WBP1L: variants seen among roughly 807,000 people sequenced by gnomAD.
WBP1L encodes WW domain binding protein 1-like.
A neutral mutation model predicts 33.7 loss-of-function variants in WBP1L; 17 were observed. The ratio of observed to expected loss-of-function variants is 0.50; its 90% CI spans 0.34 to 0.76. The LOEUF is 0.76. Among genes scored for constraint, WBP1L ranks in the 30% least tolerant of loss-of-function variants. The pLI is 0.01. For synonymous variants in WBP1L, 173 were observed against 190.8 expected (o/e 0.91, Z 0.77); for missense variants, 389 against 469.4 (o/e 0.83, Z 1.58).
At chr10:102,787,806 G>A (rs961515551) in intron 1 of WBP1L, among the ~76,000 whole-genome samples, 6 of 152,026 alleles carry the variant, frequency 3.9e-5, no homozygotes, top group Non-Finnish European at 8.8e-5. Flanking sequence ...GGTCAGGCAC[G>A]GTGGCTCACG....
At chr10:102,786,770 A>G (rs1011442100) in intron 1 of WBP1L, among the ~76,000 whole-genome samples, 1 of 152,032 alleles carries the variant, frequency 6.6e-6, no homozygotes, top group Non-Finnish European at 1.5e-5. Flanking sequence ...CCCCACTACT[A>G]CCCCTGGGAC....
In WBP1L at chr10:102,777,146, A is replaced by T. The variant is rs114643158; in HGVS notation, c.91-20847A>T. Among the ~76,000 whole-genome samples the T allele has an allele frequency of 8.4e-3, 1,272 of 152,210 alleles. 10 individuals carry two copies. The highest frequency in any genetic ancestry group is 0.029 in the African/African-American group (1,199 of 41,520). ...TCTGCTGAGAACACAGCTGTTGCCA[A>T]CTATTTGTTCCAGGGCTTCTGAGAG... On this transcript the variant is annotated intron_variant, in intron 1 of 3. Coordinates refer to ENST00000448841, the MANE Select transcript of WBP1L (RefSeq NM_001083913.2).
intron 1 of WBP1L, among the ~76,000 whole-genome samples, chr10:102,790,020 G>A (rs1243613031): frequency 6.6e-6 from 1 of 152,064 alleles, no homozygotes; most frequent in Non-Finnish European, 1.5e-5. Context: ...TTATAGGCAT[G>A]AGCCACCACG....
intron 1 of WBP1L, 28 bp downstream of exon 1, chr10:102,744,171 G>A: frequency 6.5e-7 from 1 of 1,538,540 alleles, no homozygotes; most frequent in Non-Finnish European, 8.8e-7. Context: ...TCTGGGCCAT[G>A]TTGGGTCCTG....
chr10:102,772,894 A>G (rs1404008481), intron 1 of WBP1L, among the ~76,000 whole-genome samples: 1 of 148,052 alleles, frequency 6.8e-6, no homozygotes, highest in Non-Finnish European at 1.5e-5. Flanking sequence ...TGACAACATA[A>G]TCCTGCTTAA....
intron 1 of WBP1L, among the ~76,000 whole-genome samples, chr10:102,748,263 A>G (rs1842888381): frequency 6.6e-6 from 1 of 151,838 alleles, no homozygotes; most frequent in African/African-American, 2.4e-5. Flanking sequence ...GTCTCAAAAA[A>G]AAAAAACCAA....
intron 1 of WBP1L, chr10:102,776,352 C>G: frequency 6.2e-7 from 1 of 1,614,070 alleles, no homozygotes; most frequent in South Asian, 1.1e-5. Flanking sequence ...TTTTAAGAGC[C>G]CTTTGTTCCA....
intron 1 of WBP1L, chr10:102,776,267 C>G: frequency 6.2e-7 from 1 of 1,601,484 alleles, no homozygotes; most frequent in Non-Finnish European, 8.5e-7. Flanking sequence ...GTCTGCTTTG[C>G]TAAAGAAGGC....
At chr10:102,770,487 C>T (rs935072485) in intron 1 of WBP1L, among the ~76,000 whole-genome samples, 1 of 152,122 alleles carries the variant, frequency 6.6e-6, no homozygotes, top group Non-Finnish European at 1.5e-5. Context: ...AATAAGATAC[C>T]CCTAGACCTT....
chr10:102,776,244 C>T, intron 1 of WBP1L: 1 of 1,571,034 alleles, frequency 6.4e-7, no homozygotes, highest in Non-Finnish European at 8.6e-7. Context: ...GGTCCCAGGA[C>T]TCTGTTTACT....
chr10:102,788,992 C>A (rs563131231), intron 1 of WBP1L, among the ~76,000 whole-genome samples: 2 of 152,286 alleles, frequency 1.3e-5, no homozygotes, highest in Admixed American at 1.3e-4. Context: ...CGGAGTCTTG[C>A]TCTGTTGCTC....
chr10:102,782,825 T>C (rs1250732576), intron 1 of WBP1L, among the ~76,000 whole-genome samples: 2 of 152,178 alleles, frequency 1.3e-5, no homozygotes, highest in Non-Finnish European at 2.9e-5. Context: ...TACTGACTTC[T>C]TTTCCTGAAA....
rs372546242 is a variant in WBP1L at position 102,812,572 on chromosome 10, T to G, written c.356-23T>G. 9.7e-6 allele frequency: 15 copies of G among 1,547,700 alleles called. No individual in the cohort carries two copies. In the African/African-American group the frequency reaches 1.8e-4, roughly 18 times the overall value. On this transcript the variant is annotated intron_variant, in intron 3 of 3. Transcript: ENST00000448841. ...GAACAATGACCAGTGCAGTAATTTC[T>G]CCTTCCTACCTCCCCATTTTAGGGT...
At chr10:102,753,017 C>G (rs1842939793) in intron 1 of WBP1L, among the ~76,000 whole-genome samples, 3 of 152,188 alleles carry the variant, frequency 2.0e-5, no homozygotes, top group Admixed American at 2.0e-4. Context: ...GGACCTCTTG[C>G]TTTCCTGCCA....
chr10:102,786,798 G>A (rs1185628080), intron 1 of WBP1L, among the ~76,000 whole-genome samples: 1 of 152,188 alleles, frequency 6.6e-6, no homozygotes, highest in Non-Finnish European at 1.5e-5. Context: ...TGGGGACCAT[G>A]ACACTGTGGG....
In WBP1L at chr10:102,814,211, G is replaced by A. The variant is rs961353981; in HGVS notation, c.*880G>A. 2 of 152,240 alleles carry A rather than the reference G, an allele frequency of 1.3e-5. No individual in the cohort carries two copies. Among genetic ancestry groups the A allele is most frequent in the African/African-American group, 4.8e-5 (2 of 41,440 alleles). The allele number at this position is 152,240 out of a possible 1,614,324, so 9.4% of individuals were successfully genotyped here. A position where few individuals can be genotyped will look rare whatever the true frequency, so the allele number is the denominator to read the frequency against. On this transcript the variant is annotated 3_prime_UTR_variant, in exon 4 of 4. Coordinates refer to ENST00000448841, the MANE Select transcript of WBP1L (RefSeq NM_001083913.2). ...CCAGAAGATGTCTCGTGTGAAGGCT[G>A]GGGTGGCGGCTGTCTTGGAACCTCT...
intron 1 of WBP1L, among the ~76,000 whole-genome samples, chr10:102,777,473 T>G (rs188395496): frequency 3.9e-5 from 6 of 152,162 alleles, no homozygotes; most frequent in Admixed American, 3.9e-4. Context: ...ACAGCTCTTG[T>G]TATCTTCAGA....
At position 102,813,211 on chromosome 10, in the gene WBP1L, T is replaced by G; in HGVS notation, c.972T>G (p.Ser324=). ...GDEEEGLCQS[S]EEQAREPGHP... ...AGGAGGAAGGCCTCTGTCAGTCCTC[T>G]GAGGAGCAGGCTCGAGAGCCTGGGC... is the stretch of plus-strand genomic sequence containing the variant. The change falls in exon 4 of 4, where the codon TCT becomes TCG. Residue 324 remains serine, a synonymous_variant. Transcript: ENST00000448841. 12 of 1,613,388 alleles carry G rather than the reference T, an allele frequency of 7.4e-6. No homozygotes were observed. The highest frequency in any genetic ancestry group is 9.3e-6 in the Non-Finnish European group (11 of 1,179,984).
At chr10:102,761,853 A>G (rs1369059293) in intron 1 of WBP1L, among the ~76,000 whole-genome samples, 1 of 150,250 alleles carries the variant, frequency 6.7e-6, no homozygotes, top group Non-Finnish European at 1.5e-5. Flanking sequence ...CAGGCCTTTA[A>G]TGTTTAATTT....
Sources: allele counts gnomAD v4.1 joint callset (sites outside exome capture counted in the v4.1 genomes callset), GRCh38; gene constraint gnomAD v4.1.1; transcripts MANE v1.5; gene names NCBI Gene and HGNC (gene_info 2026-07-23, HGNC 2026-07-21).